Variants in NFRKB observed in about 807,000 individuals in gnomAD.
NFRKB encodes nuclear factor related to kappaB binding protein.
Under a neutral mutation model 135.7 loss-of-function variants are expected in NFRKB, and 62 were observed. That is an observed-to-expected ratio of 0.46 (90% CI 0.37 to 0.56). The LOEUF is 0.56. Among genes scored for constraint, NFRKB ranks in the 20% least tolerant of loss-of-function variants. The pLI is 0.00. For missense variants in NFRKB, 1,545 were observed against 1,662.0 expected (o/e 0.93, Z 1.22); for synonymous variants, 678 against 635.6 (o/e 1.07, Z -1.00).
chr11:129,884,603 T>A (rs1383231850), intron 7 of NFRKB, 142 bp downstream of exon 7: 2 of 952,614 alleles, frequency 2.1e-6, no homozygotes, highest in African/African-American at 3.3e-5. Context: ...GTACAAAAAC[T>A]TTGCCAAACA....
rs1482952014 is a variant in NFRKB, at chr11:129,864,526, GGA to G, written c.*197_*198del. ...GGTAGAGAGCAGACCTTGGAACCCT[GGA>G]GTGAACCTTTCTCAGGGTGCTCCAC... is the stretch of plus-strand genomic sequence containing the variant. On this transcript the variant is annotated 3_prime_UTR_variant, in exon 27 of 27. Transcript: ENST00000682444. 10 of 621,504 alleles carry G rather than the reference GGA, an allele frequency of 1.6e-5. No individual in the cohort carries two copies. Among genetic ancestry groups the G allele is most frequent in the African/African-American group, 3.7e-5 (2 of 54,278 alleles). 38.5% of individuals were successfully genotyped at this position (621,504 alleles called of 1,614,324 possible).
chr11:129,874,697 C>G lies in NFRKB; in HGVS notation c.1978+96G>C, dbSNP rs921256015. Reference sequence around the variant, plus strand: ...CTGAATCCTGCCTCTACCATCTTGTCCTACCTATATGCCAATGAAAAGAAT... The same window carrying G: ...CTGAATCCTGCCTCTACCATCTTGTGCTACCTATATGCCAATGAAAAGAAT... On this transcript the variant is annotated intron_variant, in intron 19 of 26. Transcript: ENST00000682444. This position sits in a 1 kb window ranked among gnomAD's most constrained non-coding sequence, Gnocchi z 4.5. 6 of 1,606,366 alleles carry G rather than the reference C, an allele frequency of 3.7e-6. No homozygotes were observed. Among genetic ancestry groups the G allele is most frequent in the Non-Finnish European group, 5.1e-6 (6 of 1,174,218 alleles).
At chr11:129,886,508 T>C (rs1442387627) in intron 4 of NFRKB, 64 bp from the exon 5 acceptor site, 21 of 1,441,220 alleles carry the variant, frequency 1.5e-5, no homozygotes, top group African/African-American at 1.1e-4. Flanking sequence ...AGTCAACAAA[T>C]ATATTGAATG....
intron 16 of NFRKB, 93 bp from the exon 17 acceptor site, chr11:129,876,988 A>C: frequency 8.3e-7 from 1 of 1,207,680 alleles, no homozygotes; most frequent in Non-Finnish European, 1.2e-6. Flanking sequence ...ACATGGAACA[A>C]TTAAAACAGG....
In NFRKB at chr11:129,876,706, A is replaced by C. The variant is rs764808155; in HGVS notation, c.1747+15T>G. The C allele has an allele frequency of 6.2e-7, 1 of 1,609,262 alleles. No individual in the cohort carries two copies. ...TGAAGAAAGGGATCTCTGATAATCG[A>C]CACGTGCCACCTACCAAGAGACAGA... On this transcript the variant is annotated intron_variant, in intron 17 of 26. Transcript: ENST00000682444.
chr11:129,874,619 C>T lies in NFRKB; in HGVS notation c.1979-39G>A. ...GGGCAAGCTTCAGCCAGAGTTTAAC[C>T]TTAGCAAACTAAAAAGAGGGGCTTT... On this transcript the variant is annotated intron_variant, in intron 19 of 26. Coordinates refer to ENST00000682444, the MANE Select transcript of NFRKB (RefSeq NM_001143835.2). This position sits in a 1 kb window ranked among gnomAD's most constrained non-coding sequence, Gnocchi z 4.5. 2 of 1,609,466 alleles carry T rather than the reference C, an allele frequency of 1.2e-6. 1 individual carries two copies.
chr11:129,884,699 C>T, intron 7 of NFRKB, 46 bp downstream of exon 7: 1 of 1,608,134 alleles, frequency 6.2e-7, no homozygotes, highest in Non-Finnish European at 8.5e-7. Context: ...TTTCAGGTCT[C>T]CACCGCAATG....
chr11:129,878,599 T>C (rs145869331), intron 13 of NFRKB, 56 bp from the exon 14 acceptor site: 191 of 1,390,100 alleles, frequency 1.4e-4, no homozygotes, highest in Middle Eastern at 2.2e-4. Flanking sequence ...TTATTGAGAA[T>C]CCTGCTTTCT....
chr11:129,881,372 A>G, intron 13 of NFRKB, 71 bp downstream of exon 13: 1 of 1,470,754 alleles, frequency 6.8e-7, no homozygotes, highest in Non-Finnish European at 9.5e-7. Context: ...TATTGACTGG[A>G]AGGCAAATAA....
chr11:129,872,344 T>C (rs763319874), intron 23 of NFRKB, among the ~76,000 whole-genome samples: 2 of 152,204 alleles, frequency 1.3e-5, no homozygotes, highest in Middle Eastern at 3.2e-3. Context: ...TTTATCGTTA[T>C]GTGGTTCCAT....
At chr11:129,868,963 T>C (rs1160544633) in intron 24 of NFRKB, among the ~76,000 whole-genome samples, 1 of 151,884 alleles carries the variant, frequency 6.6e-6, no homozygotes, top group Admixed American at 6.5e-5. Flanking sequence ...GAGGTTGCAG[T>C]GAGCCGAGAT....
rs552888157 is a variant in NFRKB, at chr11:129,882,647, AAC to A, written c.902-18_902-17del. 1.1e-4 allele frequency: 174 copies of A among 1,610,830 alleles called. No homozygotes were observed. The African/African-American group carries it at 2.2e-3, about 20-fold the overall frequency. On this transcript the variant is annotated splice_polypyrimidine_tract_variant and intron_variant, in intron 9 of 26. Coordinates refer to ENST00000682444, the MANE Select transcript of NFRKB (RefSeq NM_001143835.2). Reference sequence around the variant, plus strand: ...TCATATAAGGCTAGAAAGGCAAAGTAACACCAGTCACAGAAATGTATCTCCTA... The same window carrying A: ...TCATATAAGGCTAGAAAGGCAAAGTAACCAGTCACAGAAATGTATCTCCTA...
intron 22 of NFRKB, among the ~76,000 whole-genome samples, chr11:129,873,499 T>A (rs1372533384): frequency 6.6e-6 from 1 of 152,150 alleles, no homozygotes; most frequent in African/African-American, 2.4e-5. Flanking sequence ...TCTACGAAGA[T>A]CCTGATGTTA....
intron 2 of NFRKB, chr11:129,893,103 T>C: frequency 7.2e-7 from 1 of 1,384,824 alleles, no homozygotes; most frequent in Non-Finnish European, 9.4e-7. Context: ...CAGTAACTCC[T>C]AAATTCATAA....
intron 5 of NFRKB, 38 bp downstream of exon 5, chr11:129,886,279 C>G: frequency 6.3e-7 from 1 of 1,587,212 alleles, no homozygotes; most frequent in Non-Finnish European, 8.6e-7. Context: ...ATACCTGTGA[C>G]TGCCCACATT....
Position 129,885,037 on chromosome 11 carries a change from G to C in NFRKB, c.641-191C>G, listed in dbSNP as rs546586993. ...TCATCTAACGGCTCTTCCAGGAAGA[G>C]AGACTTCAACAGAGTGCTGGGGTTG... On this transcript the variant is annotated intron_variant, in intron 6 of 26. Coordinates refer to ENST00000682444, the MANE Select transcript of NFRKB (RefSeq NM_001143835.2). Among the ~76,000 whole-genome samples, 11 of 152,322 alleles carry C rather than the reference G, an allele frequency of 7.2e-5. No individual in the cohort carries two copies. In the South Asian group the frequency reaches 2.3e-3, roughly 32 times the overall value.
intron 17 of NFRKB, 27 bp from the exon 18 acceptor site, chr11:129,875,490 C>G (rs746797540): frequency 1.7e-5 from 26 of 1,554,938 alleles, no homozygotes; most frequent in Non-Finnish European, 2.3e-5. Flanking sequence ...GCACACAGTC[C>G]ACAAGTCAGG....
In NFRKB at chr11:129,886,536, ACT is replaced by A. The variant is rs923223784; in HGVS notation, c.338-94_338-93del. 5 of 1,160,432 alleles carry A rather than the reference ACT, an allele frequency of 4.3e-6. No homozygotes were observed. The African/African-American group carries it at 6.2e-5, about 14-fold the overall frequency. The allele number at this position is 1,160,432 out of a possible 1,614,324, so 71.9% of individuals were successfully genotyped here. A position where few individuals can be genotyped will look rare whatever the true frequency, so the allele number is the denominator to read the frequency against. On this transcript the variant is annotated intron_variant, in intron 4 of 26. Transcript: ENST00000682444. ...ATTGAATGAGTGCTTAACATGGTAA[ACT>A]CTGTACCACAAAACTTAAGGGAAAA...
Position 129,884,842 on chromosome 11 carries a change from G to A in NFRKB, c.645C>T (p.Leu215=), listed in dbSNP as rs1158769967. The part of the protein sequence containing the change: ...DTALSSDEED[L]SSWLPSSPAR... ...CTGGAGAGCTCGGAAGCCATGAGCT[G>A]AGATCTTCAAAAGAAAATTGTTCTT... The change falls in exon 7 of 27, where the codon CTC becomes CTT. Residue 215 remains leucine (L), a synonymous_variant. Transcript: ENST00000682444. The A allele has an allele frequency of 1.2e-6, 2 of 1,614,208 alleles. No individual in the cohort carries two copies. Among genetic ancestry groups the A allele is most frequent in the Non-Finnish European group, 1.7e-6 (2 of 1,180,020 alleles).
Sources: gnomAD v4.1 joint callset for allele counts (sites outside exome capture counted in the v4.1 genomes callset) on GRCh38, gnomAD v4.1.1 for gene constraint, Gnocchi (gnomAD v3.1) non-coding constraint, MANE v1.5 for transcripts, NCBI Gene and HGNC (gene_info 2026-07-23, HGNC 2026-07-21) for gene names.